Variants in DOCK7 observed in about 807,000 individuals in gnomAD.
DOCK7 encodes the protein dedicator of cytokinesis 7, also known as dedicator of cytokinesis protein 7.
Under a neutral mutation model 271.0 loss-of-function variants are expected in DOCK7, and 138 were observed. The observed-to-expected ratio is 0.51, with a 90% CI of 0.44 to 0.59. The LOEUF (loss-of-function observed/expected upper bound fraction) is 0.59. DOCK7 is among the 20% of genes least tolerant of loss of function. The probability of loss-of-function intolerance (pLI) is 0.00; values close to 1 mark genes in which losing one functional copy is unlikely to be tolerated. For missense variants in DOCK7, 2,066 were observed against 2,592.4 expected (o/e 0.80, Z 4.41); for synonymous variants, 823 against 876.1 (o/e 0.94, Z 1.07).
chr1:62,492,487 T>C, intron 41 of DOCK7: 1 of 488,426 alleles, frequency 2.0e-6, no homozygotes, highest in Non-Finnish European at 3.6e-6. Flanking sequence ...GGTATCTCAC[T>C]ATGTTCCCCA....
Position 62,475,790 on chromosome 1 carries a change from G to C in DOCK7, c.5878C>G (p.Gln1960Glu). 1.2e-6 allele frequency: 2 copies of C among 1,614,022 alleles called. No individual in the cohort carries two copies. Among genetic ancestry groups the C allele is most frequent in the Non-Finnish European group, 1.7e-6 (2 of 1,179,926 alleles). ...GTCAGAATGGTCTTCCTTTTGAATT[G>C]TTCATGAAGTTCCCCATGGGCACGG... ...DGRAHGELHE[Q>E]FKRKTILTTS... Residue 1960 changes from glutamine to glutamate, a missense_variant, in exon 46 of 50, where the codon CAA becomes GAA. Gln to Glu is a conservative substitution (Grantham distance 29, BLOSUM62 2). Coordinates refer to ENST00000635253, the MANE Select transcript of DOCK7 (RefSeq NM_001367561.1).
chr1:62,620,324 AAT>A (rs1227985066), intron 12 of DOCK7, among the ~76,000 whole-genome samples: 1 of 141,062 alleles, frequency 7.1e-6, no homozygotes, highest in African/African-American at 2.6e-5. Flanking sequence ...CAAAAATAAA[AAT>A]AAATAAATAA....
rs556822797 is a variant in DOCK7, at chr1:62,583,273, T to C, written c.1801-19A>G. ...AGATTACCTGAAACAAATAACAGCA[T>C]GTTGAAACTTTGTTGTAGTAAATGC... On this transcript the variant is annotated intron_variant, in intron 15 of 49. Coordinates refer to ENST00000635253, the MANE Select transcript of DOCK7 (RefSeq NM_001367561.1). The C allele has an allele frequency of 3.1e-6, 5 of 1,599,326 alleles. No individual in the cohort carries two copies. In the East Asian group the frequency reaches 1.1e-4, roughly 36 times the overall value.
intron 22 of DOCK7, among the ~76,000 whole-genome samples, chr1:62,552,284 T>A (rs754843154): frequency 1.3e-5 from 2 of 152,198 alleles, no homozygotes; most frequent in Non-Finnish European, 2.9e-5. Context: ...GTATCCCTTA[T>A]AAATAACTCT....
At chr1:62,477,874 T>C (rs1646011539) in intron 43 of DOCK7, 49 bp from the exon 44 acceptor site, 11 of 1,520,756 alleles carry the variant, frequency 7.2e-6, no homozygotes, top group Non-Finnish European at 9.7e-6. Context: ...TATGAAATCT[T>C]CCTGTTTTTC....
chr1:62,648,081 C>A, intron 6 of DOCK7, 25 bp downstream of exon 6: 1 of 1,594,212 alleles, frequency 6.3e-7, no homozygotes, highest in South Asian at 1.1e-5. Context: ...TAATCATTTG[C>A]TTCTTTATAT....
intron 1 of DOCK7, among the ~76,000 whole-genome samples, chr1:62,680,709 C>T (rs1325051863): frequency 6.6e-6 from 1 of 151,892 alleles, no homozygotes; most frequent in East Asian, 1.9e-4. Context: ...ACAACCCCAT[C>T]AAAAAGTGGG....
intron 48 of DOCK7, among the ~76,000 whole-genome samples, chr1:62,472,552 T>C (rs1293970237): frequency 6.6e-6 from 1 of 152,214 alleles, no homozygotes; most frequent in Non-Finnish European, 1.5e-5. Flanking sequence ...TGGCAAAATA[T>C]TCCAAAAACA....
chr1:62,474,207 A>T, intron 47 of DOCK7, 119 bp from the exon 48 acceptor site: 1 of 662,546 alleles, frequency 1.5e-6, no homozygotes, highest in South Asian at 2.1e-5. Flanking sequence ...TAATGCATAT[A>T]TGCCTATGCC....
chr1:62,536,099 T>C (rs1645336413), intron 28 of DOCK7, among the ~76,000 whole-genome samples: 1 of 14,432 alleles, frequency 6.9e-5, no homozygotes, highest in South Asian at 6.3e-3. Flanking sequence ...ATTACCATCA[T>C]TTTGTTGTCT....
intron 14 of DOCK7, among the ~76,000 whole-genome samples, chr1:62,612,255 CAACAA>C (rs1311424838): frequency 2.0e-5 from 3 of 152,032 alleles, no homozygotes; most frequent in Non-Finnish European, 4.4e-5. Flanking sequence ...AAAATATTAC[CAACAA>C]AACAAAAGAC....
At chr1:62,662,093 G>A (rs1200769224) in intron 2 of DOCK7, among the ~76,000 whole-genome samples, 3 of 152,000 alleles carry the variant, frequency 2.0e-5, no homozygotes, top group South Asian at 2.1e-4. Context: ...TCAATAACAC[G>A]TACCCTTTCA....
chr1:62,506,986 T>C (rs1041771486), intron 35 of DOCK7, among the ~76,000 whole-genome samples: 22 of 89,194 alleles, frequency 2.5e-4, no homozygotes, highest in African/African-American at 6.2e-4. Flanking sequence ...ATAAATAAAA[T>C]AGAGTAGAGT....
At chr1:62,586,728 T>C in intron 14 of DOCK7, 104 bp from the exon 15 acceptor site, 2 of 612,002 alleles carry the variant, frequency 3.3e-6, no homozygotes, top group South Asian at 6.5e-5. Context: ...GAATTACTGA[T>C]ATTGGCTAGC....
intron 17 of DOCK7, among the ~76,000 whole-genome samples, chr1:62,578,503 T>C (rs1447189797): frequency 1.3e-5 from 2 of 152,086 alleles, no homozygotes; most frequent in East Asian, 1.9e-4. Context: ...GCAGATCACT[T>C]GAAGCCAAGA....
chr1:62,573,946 T>C (rs1372947304), intron 18 of DOCK7, among the ~76,000 whole-genome samples: 1 of 152,124 alleles, frequency 6.6e-6, no homozygotes, highest in African/African-American at 2.4e-5. Flanking sequence ...CCATAATTTT[T>C]AAAAATCCTA....
intron 15 of DOCK7, chr1:62,584,963 A>AT (rs1647325386): frequency 3.4e-6 from 2 of 596,370 alleles, no homozygotes; most frequent in African/African-American, 3.8e-5. Context: ...CATATATTAC[A>AT]TTTGTCGTAT....
intron 11 of DOCK7, among the ~76,000 whole-genome samples, chr1:62,630,692 T>C (rs989276705): frequency 1.3e-5 from 2 of 152,018 alleles, no homozygotes; most frequent in Non-Finnish European, 2.9e-5. Context: ...TGTTTCCTCA[T>C]CAACATTATA....
chr1:62,655,885 T>A (rs1657963009), intron 2 of DOCK7, among the ~76,000 whole-genome samples: 1 of 152,206 alleles, frequency 6.6e-6, no homozygotes. Flanking sequence ...ATTCTACAAA[T>A]AAGGGCATTT....
Sources: gnomAD v4.1 joint callset for allele counts (sites outside exome capture counted in the v4.1 genomes callset) on GRCh38, gnomAD v4.1.1 for gene constraint, MANE v1.5 for transcripts, NCBI Gene and HGNC (gene_info 2026-07-23, HGNC 2026-07-21) for gene names.